The following DGLUCY variants were observed in gnomAD, a reference collection of about 807,000 sequenced individuals.
DGLUCY encodes D-glutamate cyclase, mitochondrial.
Under a neutral mutation model 58.5 loss-of-function variants are expected in DGLUCY, and 58 were observed. The ratio of observed to expected loss-of-function variants is 0.99; its 90% confidence interval spans 0.80 to 1.23. DGLUCY has a LOEUF of 1.23. Among genes scored for constraint, DGLUCY ranks in the 50% most tolerant of loss-of-function variants. The pLI is 0.00. For synonymous variants in DGLUCY, 325 were observed against 314.1 expected (o/e 1.03, Z -0.37); for missense variants, 779 against 784.7 (o/e 0.99, Z 0.09).
chr14:91,195,844 G>C (rs531394069), intron 9 of DGLUCY, among the ~76,000 whole-genome samples: 2 of 151,984 alleles, frequency 1.3e-5, no homozygotes, highest in East Asian at 3.9e-4. Context: ...CTAATTTTTT[G>C]TATTTTTAGT....
intron 1 of DGLUCY, among the ~76,000 whole-genome samples, chr14:91,117,814 A>T (rs773123701): frequency 8.5e-5 from 13 of 152,346 alleles, no homozygotes; most frequent in Admixed American, 7.8e-4. Context: ...AGACATAGAC[A>T]TCAATCAATA....
At chr14:91,126,153 A>G (rs2045665892) in intron 1 of DGLUCY, among the ~76,000 whole-genome samples, 1 of 152,126 alleles carries the variant, frequency 6.6e-6, no homozygotes, top group Non-Finnish European at 1.5e-5. Flanking sequence ...AACAAATCCC[A>G]ACTTACTTGG....
At chr14:91,213,739 G>C (rs977160768) in intron 12 of DGLUCY, among the ~76,000 whole-genome samples, 1 of 146,242 alleles carries the variant, frequency 6.8e-6, no homozygotes, top group African/African-American at 2.5e-5. Flanking sequence ...TTGGTCTGTT[G>C]CCCAGACTGG....
At chr14:91,143,901 C>A (rs1005212827) in intron 1 of DGLUCY, among the ~76,000 whole-genome samples, 3 of 152,202 alleles carry the variant, frequency 2.0e-5, no homozygotes, top group Non-Finnish European at 2.9e-5. Context: ...TGCCCAAGAT[C>A]ATCCACGTAA....
intron 1 of DGLUCY, among the ~76,000 whole-genome samples, chr14:91,151,940 CT>C (rs574409460): frequency 1.3e-5 from 2 of 152,042 alleles, no homozygotes; most frequent in Non-Finnish European, 2.9e-5. Context: ...CCCAGCCCTT[CT>C]TTTTTCTTTA....
intron 1 of DGLUCY, among the ~76,000 whole-genome samples, chr14:91,133,281 G>A (rs554857492): frequency 1.3e-5 from 2 of 152,132 alleles, no homozygotes; most frequent in South Asian, 2.1e-4. Flanking sequence ...GGTGACAACA[G>A]CAAGACTCCG....
chr14:91,082,278 C>G (rs535683540), intron 1 of DGLUCY, among the ~76,000 whole-genome samples: 29 of 152,342 alleles, frequency 1.9e-4, no homozygotes, highest in Admixed American at 5.9e-4. Context: ...ACACTCCCCC[C>G]TTCCCATGAA....
rs1173220302 is a variant in DGLUCY at position 91,223,803 on chromosome 14, A to G, written c.1717-881A>G. ...CTGCTAAGTGCTTTGCTTGTACGTA[A>G]TCCTCAGAACAACCCTCTAAAGGAG... On this transcript the variant is annotated intron_variant, in intron 13 of 13. Transcript: ENST00000256324. 4.5e-5 allele frequency: 42 copies of G among 925,528 alleles called. No homozygotes were observed. The South Asian group carries it at 6.1e-4, about 13-fold the overall frequency. 57.3% of individuals were successfully genotyped at this position (925,528 alleles called of 1,614,324 possible).
intron 1 of DGLUCY, among the ~76,000 whole-genome samples, chr14:91,135,316 C>G (rs2046262863): frequency 1.3e-5 from 2 of 152,104 alleles, no homozygotes; most frequent in African/African-American, 4.8e-5. Context: ...GGCCTTGCTC[C>G]TGATCTTCAC....
chr14:91,176,060 C>T lies in DGLUCY; in HGVS notation c.730+4C>T, dbSNP rs141327847. ...CTCGGAGCTGTCAGCAGCTGTGGTA[C>T]GTTGGGGGATAATGGGACAATCGAT... On this transcript the variant is annotated splice_donor_region_variant and intron_variant, in intron 7 of 13. Coordinates refer to ENST00000256324, the MANE Select transcript of DGLUCY (RefSeq NM_001102368.3). 3.1e-5 allele frequency: 50 copies of T among 1,613,554 alleles called. No homozygotes were observed. In the African/African-American group the frequency reaches 4.5e-4, roughly 15 times the overall value.
In DGLUCY at chr14:91,198,573, C is replaced by T. The variant is rs375784607; in HGVS notation, c.1296-1184C>T. On this transcript the variant is annotated intron_variant, in intron 10 of 13. Transcript: ENST00000256324. ...TGTTGCCCAGGCTGGTCTCAAACTC[C>T]TGGGCTCAAGTGATCTGCCTGCCTC... Among the ~76,000 whole-genome samples, 198 of 152,250 alleles carry T rather than the reference C, an allele frequency of 1.3e-3. 1 individual carries two copies. The highest frequency in any genetic ancestry group is 4.7e-3 in the Admixed American group (72 of 15,282).
chr14:91,220,393 T>A, intron 13 of DGLUCY: 1 of 430,726 alleles, frequency 2.3e-6, no homozygotes, highest in Non-Finnish European at 4.7e-6. Context: ...GTCATTATCA[T>A]CATCATCATC....
chr14:91,216,947 G>C (rs1377311494), intron 13 of DGLUCY, among the ~76,000 whole-genome samples: 3 of 152,228 alleles, frequency 2.0e-5, no homozygotes, highest in African/African-American at 7.2e-5. Flanking sequence ...TGAGCAGCGA[G>C]GTGGCAGCGG....
In DGLUCY at chr14:91,170,123, CT is replaced by C. The variant is rs755078314; in HGVS notation, c.379del (p.Ser127ProfsTer45). Reference protein sequence around the residue: ...MVAFFLGCSFSLEEALEKAGL... With the variant: ...MVAFFLGCSFXLEEALEKAGL... ...TGGCCTTCTTCCTGGGCTGCAGCTT[CT>C]CCCTGGAGGAGGCCTTGGAGAAAGC... On this transcript the variant is annotated frameshift_variant, in exon 5 of 14. Transcript: ENST00000256324. LOFTEE classifies it high-confidence loss of function. The C allele has an allele frequency of 4.5e-5, 73 of 1,613,378 alleles. No individual in the cohort carries two copies. In the South Asian group the frequency reaches 7.6e-4, roughly 17 times the overall value.
At position 91,196,522 on chromosome 14, in the gene DGLUCY, A is replaced by T. The variant is rs775454071; in HGVS notation, c.1295+48A>T. The T allele has an allele frequency of 4.2e-5, 62 of 1,481,370 alleles. No individual in the cohort carries two copies. The East Asian group carries it at 1.4e-3, about 33-fold the overall frequency. The allele number at this position is 1,481,370 out of a possible 1,614,324, so 91.8% of individuals were successfully genotyped here. A position where few individuals can be genotyped will look rare whatever the true frequency, so the allele number is the denominator to read the frequency against. On this transcript the variant is annotated intron_variant, in intron 10 of 13. Coordinates refer to ENST00000256324, the MANE Select transcript of DGLUCY (RefSeq NM_001102368.3). ...TAAGTGGCGGATGGTGGAAACGCCC[A>T]TATGCTCTTCACTTAGCCAACAAAG...
intron 1 of DGLUCY, among the ~76,000 whole-genome samples, chr14:91,117,658 CACAT>C (rs767524780): frequency 0.025 from 1,614 of 64,880 alleles, 10 homozygotes; most frequent in East Asian, 0.042. Flanking sequence ...CACACACACA[CACAT>C]ACACACACAC....
intron 1 of DGLUCY, among the ~76,000 whole-genome samples, chr14:91,143,761 A>G (rs2046865969): frequency 6.6e-6 from 1 of 152,188 alleles, no homozygotes; most frequent in Non-Finnish European, 1.5e-5. Context: ...GAGAAAGAGC[A>G]AGACTATGCC....
upstream of DGLUCY, among the ~76,000 whole-genome samples, chr14:91,105,151 C>A (rs1341114044): frequency 6.6e-6 from 1 of 152,020 alleles, no homozygotes; most frequent in Non-Finnish European, 1.5e-5. Context: ...CCTGTCTCTA[C>A]TAAAAATACA....
At chr14:91,068,085 A>ACACACACACACACC (rs2043855736) in intron 1 of DGLUCY, among the ~76,000 whole-genome samples, 1 of 136,072 alleles carries the variant, frequency 7.3e-6, no homozygotes, top group Non-Finnish European at 1.5e-5. Context: ...GCACGCACAC[A>ACACACACACACACC]CACACACACA....
Sources: allele counts gnomAD v4.1 joint callset (sites outside exome capture counted in the v4.1 genomes callset), GRCh38; gene constraint gnomAD v4.1.1; transcripts MANE v1.5; gene names NCBI Gene and HGNC (gene_info 2026-07-23, HGNC 2026-07-21).